The following SRGAP1 variants were observed in gnomAD, a reference collection of about 807,000 sequenced individuals.
SRGAP1 encodes SLIT-ROBO Rho GTPase-activating protein 1.
In SRGAP1, 43 loss-of-function variants were observed where a neutral mutation model predicts 121.9. That is an observed-to-expected ratio of 0.35 (90% confidence interval 0.28 to 0.46). The LOEUF (loss-of-function observed/expected upper bound fraction) is 0.46. SRGAP1 is among the 20% of genes least tolerant of loss of function. SRGAP1 has a pLI of 1.00. For synonymous variants in SRGAP1, 447 were observed against 485.4 expected, an observed-to-expected ratio of 0.92 and a Z score of 1.04; for missense variants, 1,102 against 1,350.9, an observed-to-expected ratio of 0.82 and a Z score of 2.89.
chr12:63,969,382 C>T (rs2032874550), intron 1 of SRGAP1, among the ~76,000 whole-genome samples: 2 of 152,070 alleles, frequency 1.3e-5, no homozygotes, highest in South Asian at 4.1e-4. Flanking sequence ...CCTACTCTTT[C>T]GTTCTAAAAG....
chr12:63,893,919 A>C (rs1592923049), intron 1 of SRGAP1, among the ~76,000 whole-genome samples: 1 of 152,240 alleles, frequency 6.6e-6, no homozygotes, highest in African/African-American at 2.4e-5. Context: ...GCTCACTGCA[A>C]CCTCCGTCTC....
chr12:63,876,194 C>T (rs1168057230), intron 1 of SRGAP1, among the ~76,000 whole-genome samples: 1 of 152,102 alleles, frequency 6.6e-6, no homozygotes, highest in Non-Finnish European at 1.5e-5. Flanking sequence ...TTAAGAAGTA[C>T]AAACTCAGAA....
intron 1 of SRGAP1, among the ~76,000 whole-genome samples, chr12:63,932,573 A>G (rs1247827288): frequency 6.6e-6 from 1 of 152,210 alleles, no homozygotes; most frequent in Admixed American, 6.5e-5. Context: ...TTCTTTTAAT[A>G]AATAATAACA....
At chr12:64,064,940 A>G (rs1264601136) in intron 7 of SRGAP1, among the ~76,000 whole-genome samples, 178 bp from the exon 8 acceptor site, 2 of 152,224 alleles carry the variant, frequency 1.3e-5, no homozygotes, top group African/African-American at 4.8e-5. Context: ...CTGCTATTGC[A>G]GCTTATGTAA....
At chr12:63,940,928 T>C (rs1003646045) in intron 1 of SRGAP1, among the ~76,000 whole-genome samples, 1 of 152,086 alleles carries the variant, frequency 6.6e-6, no homozygotes, top group African/African-American at 2.4e-5. Flanking sequence ...CAGTTGTACA[T>C]TACCTTCCCG....
chr12:64,109,242 CTG>C (rs935016100), intron 16 of SRGAP1: 1 of 372,900 alleles, frequency 2.7e-6, no homozygotes, highest in African/African-American at 2.1e-5. Context: ...GATGTAAAAA[CTG>C]TGGCCACAAA....
intron 1 of SRGAP1, among the ~76,000 whole-genome samples, chr12:63,867,754 G>C (rs1899687724): frequency 6.6e-6 from 1 of 151,520 alleles, no homozygotes; most frequent in African/African-American, 2.4e-5. Flanking sequence ...GTCTTAATTA[G>C]TGACATTTAA....
In SRGAP1 at chr12:64,151,892, G is replaced by T. The variant is rs1015397327; in HGVS notation, c.*9220G>T. 6.6e-6 allele frequency: 1 copy of T among 152,086 alleles called. No individual in the cohort carries two copies. The highest frequency in any genetic ancestry group is 1.5e-5 in the Non-Finnish European group (1 of 68,030). The allele number at this position is 152,086 out of a possible 1,614,324, so 9.4% of individuals were successfully genotyped here. ...TTTGTTTCATTCCAAAAAATATTCT[G>T]CAGCCCCTCTACATCCTCCAATCTG... On this transcript the variant is annotated 3_prime_UTR_variant, in exon 22 of 22. Transcript: ENST00000355086.
intron 1 of SRGAP1, among the ~76,000 whole-genome samples, chr12:63,898,706 A>G (rs1565941662): frequency 6.6e-6 from 1 of 152,230 alleles, no homozygotes; most frequent in Non-Finnish European, 1.5e-5. Context: ...ATAAGCTATT[A>G]AATGTATATT....
intron 8 of SRGAP1, among the ~76,000 whole-genome samples, chr12:64,073,697 TTTTC>T (rs144175480): frequency 0.012 from 1,825 of 152,072 alleles, 29 homozygotes; most frequent in African/African-American, 0.039. Flanking sequence ...GTATTATTAT[TTTTC>T]TTTTTTTTTT....
At chr12:63,972,179 C>A (rs1456927181) in intron 1 of SRGAP1, among the ~76,000 whole-genome samples, 2 of 152,064 alleles carry the variant, frequency 1.3e-5, no homozygotes, top group Non-Finnish European at 2.9e-5. Context: ...CAGAGCAAGA[C>A]CTTGTCTCGA....
At chr12:63,962,228 T>G (rs2136380896) in intron 1 of SRGAP1, among the ~76,000 whole-genome samples, 1 of 152,342 alleles carries the variant, frequency 6.6e-6, no homozygotes, top group East Asian at 1.9e-4. Context: ...TCAAACTACA[T>G]ACTTTGGGAT....
At chr12:64,025,253 G>C (rs1320663972) in intron 4 of SRGAP1, among the ~76,000 whole-genome samples, 1 of 152,080 alleles carries the variant, frequency 6.6e-6, no homozygotes, top group Non-Finnish European at 1.5e-5. Flanking sequence ...ACTGCGGAGG[G>C]AAACTTTGTT....
intron 18 of SRGAP1, among the ~76,000 whole-genome samples, chr12:64,121,723 C>T (rs1178118915): frequency 3.9e-5 from 6 of 152,226 alleles, no homozygotes; most frequent in Non-Finnish European, 8.8e-5. Context: ...AGCCATCTCT[C>T]TTCCCAAACA....
At chr12:64,092,826 G>A (rs2036079996) in intron 12 of SRGAP1, among the ~76,000 whole-genome samples, 1 of 152,136 alleles carries the variant, frequency 6.6e-6, no homozygotes, top group South Asian at 2.1e-4. Context: ...GGATTCTGTT[G>A]TATTTGATAA....
chr12:64,110,986 AC>A (rs952235662), intron 16 of SRGAP1, among the ~76,000 whole-genome samples: 15 of 152,122 alleles, frequency 9.9e-5, no homozygotes, highest in Non-Finnish European at 2.1e-4. Flanking sequence ...CATTCTATAC[AC>A]TGAAAGATAA....
chr12:64,029,156 G>A lies in SRGAP1; in HGVS notation c.489+12144G>A, dbSNP rs528640067. 7.2e-5 allele frequency among the ~76,000 whole-genome samples: 11 copies of A among 152,230 alleles called. No homozygotes were observed. In the East Asian group the frequency reaches 1.7e-3, roughly 24 times the overall value. On this transcript the variant is annotated intron_variant, in intron 4 of 21. Transcript: ENST00000355086. ...AGGACAGTGCTCCTCTCTTCTTTCC[G>A]GGTCGCTGCCAGCAAGTACGGAGAG...
intron 8 of SRGAP1, among the ~76,000 whole-genome samples, chr12:64,076,022 G>A (rs567485907): frequency 2.6e-5 from 4 of 152,114 alleles, no homozygotes; most frequent in Non-Finnish European, 1.5e-5. Flanking sequence ...CAAGATGCAT[G>A]GCCAAGCCTG....
At chr12:64,065,026 G>T in intron 7 of SRGAP1, 92 bp from the exon 8 acceptor site, 1 of 828,160 alleles carries the variant, frequency 1.2e-6, no homozygotes, top group Non-Finnish European at 1.9e-6. Flanking sequence ...GAGAGGATTG[G>T]TGTGATTCAT....
Sources: allele counts gnomAD v4.1 joint callset (sites outside exome capture counted in the v4.1 genomes callset), GRCh38; gene constraint gnomAD v4.1.1; transcripts MANE v1.5; gene names NCBI Gene and HGNC (gene_info 2026-07-23, HGNC 2026-07-21).